Variants in C17orf107 observed in about 807,000 individuals in gnomAD.
C17orf107 encodes chromosome 17 open reading frame 107, also known as uncharacterized protein C17orf107.
Under a neutral mutation model 8.9 loss-of-function variants are expected in C17orf107, and 9 were observed. The ratio of observed to expected loss-of-function variants is 1.02; its 90% confidence interval spans 0.61 to 1.77. C17orf107 has a LOEUF of 1.77. Ranked by LOEUF, C17orf107 falls within the 40% of genes most tolerant of loss-of-function variation. The pLI is 0.00. For missense variants in C17orf107, 281 were observed against 249.0 expected, an observed-to-expected ratio of 1.13 and a Z score of -0.86; for synonymous variants, 139 against 120.3, an observed-to-expected ratio of 1.16 and a Z score of -1.02.
chr17:4,904,362 C>T (rs918761017), downstream of C17orf107, among the ~76,000 whole-genome samples: 1 of 152,068 alleles, frequency 6.6e-6, no homozygotes, highest in Non-Finnish European at 1.5e-5. Context: ...CACGCCCGGC[C>T]TCAGTGTTTT....
Position 4,900,273 on chromosome 17 carries a change from C to A in C17orf107, c.313C>A (p.Leu105Ile), listed in dbSNP as rs1272221846. The change falls in exon 3 of 3, where the codon CTA (leucine) becomes ATA (isoleucine). Residue 105 changes from leucine to isoleucine, a missense_variant. Transcript: ENST00000381365. ...GTGGCTGCAGCAGGAGGCGCGGCGA[C>A]TAGACGGCAGCGCGGGCCCAGCCCC... ...ALWLQQEARR[L>I]DGSAGPAPDG... 1 of 1,545,820 alleles carries A rather than the reference C, an allele frequency of 6.5e-7. No individual in the cohort carries two copies. Among genetic ancestry groups the A allele is most frequent in the Non-Finnish European group, 8.7e-7 (1 of 1,146,670 alleles).
In C17orf107 at chr17:4,901,451, G is replaced by A; in HGVS notation, c.*918G>A. 9 of 1,413,158 alleles carry A rather than the reference G, an allele frequency of 6.4e-6. No homozygotes were observed. The highest frequency in any genetic ancestry group is 1.8e-4 in the Middle Eastern group (1 of 5,654). 87.5% of individuals were successfully genotyped at this position (1,413,158 alleles called of 1,614,324 possible). A position where few individuals can be genotyped will look rare whatever the true frequency, so the allele number is the denominator to read the frequency against. On this transcript the variant is annotated 3_prime_UTR_variant, in exon 3 of 3. Transcript: ENST00000381365. ...CATCCTCCAGTGTCGTTGGTCCGGG[G>A]CAAGCCCACCGTGGAAGTCCCCTCT...
rs1309241271 is a variant in C17orf107, at chr17:4,899,598, G to A, written c.-165G>A. The A allele has an allele frequency of 5.2e-6, 8 of 1,543,958 alleles. No individual in the cohort carries two copies. Among genetic ancestry groups the A allele is most frequent in the Non-Finnish European group, 7.0e-6 (8 of 1,135,844 alleles). On this transcript the variant is annotated 5_prime_UTR_variant, in exon 1 of 3. Coordinates refer to ENST00000381365, the MANE Select transcript of C17orf107 (RefSeq NM_001145536.2). ...AATAAGGAACCTGAGGAGCCCGGAA[G>A]GCATGACATCACCGTTCCTCCTCCC...
In C17orf107 at chr17:4,900,266, G is replaced by C. The variant is rs1003850421; in HGVS notation, c.306G>C (p.Ala102=). ...CAGCCCTGTGGCTGCAGCAGGAGGC[G>C]CGGCGACTAGACGGCAGCGCGGGCC... is the stretch of plus-strand genomic sequence containing the variant. ...EISALWLQQE[A]RRLDGSAGPA... The change falls in exon 3 of 3, where the codon GCG becomes GCC. Residue 102 remains alanine, a synonymous_variant. Transcript: ENST00000381365. The C allele has an allele frequency of 6.5e-7, 1 of 1,546,186 alleles. No homozygotes were observed. The highest frequency in any genetic ancestry group is 1.2e-5 in the South Asian group (1 of 83,944).
chr17:4,902,512 G>A lies in C17orf107; in HGVS notation c.*1979G>A. The A allele has an allele frequency of 6.2e-7, 1 of 1,614,150 alleles. No homozygotes were observed. The highest frequency in any genetic ancestry group is 1.1e-5 in the South Asian group (1 of 91,086). On this transcript the variant is annotated 3_prime_UTR_variant, in exon 3 of 3. Coordinates refer to ENST00000381365, the MANE Select transcript of C17orf107 (RefSeq NM_001145536.2). The surrounding 1 kb of genome is among the most constrained non-coding windows in gnomAD (Gnocchi z 4.0). ...TTTTCATTCTGCAGATGGGAGATGG[G>A]GATGATTGAAGTGAGATTTCAGGGC... is the stretch of plus-strand genomic sequence containing the variant.
rs879729488 is a variant in C17orf107, at chr17:4,902,908, G to A, written c.*2375G>A. On this transcript the variant is annotated 3_prime_UTR_variant, in exon 3 of 3. Transcript: ENST00000381365. This position sits in a 1 kb window ranked among gnomAD's most constrained non-coding sequence, Gnocchi z 4.0. ...CCTAAACCAATTATGCTGTGCCTGG[G>A]AACGAAATACTGTGTCTAAGTCTCC... The A allele has an allele frequency of 7.0e-5, 110 of 1,582,034 alleles. No individual in the cohort carries two copies. Among genetic ancestry groups the A allele is most frequent in the Non-Finnish European group, 9.1e-5 (105 of 1,151,764 alleles).
rs1023633918 is a variant in C17orf107 at position 4,900,045 on chromosome 17, C to A, written c.176C>A (p.Pro59Gln). 2 of 1,543,952 alleles carry A rather than the reference C, an allele frequency of 1.3e-6. No individual in the cohort carries two copies. Among genetic ancestry groups the A allele is most frequent in the African/African-American group, 2.7e-5 (2 of 73,016 alleles). ...CTGAAGTCCCTGGAGCCACCCGAAC[C>A]GAAGATGCAGGGGATGCTGCCTGCC... ...RELKSLEPPE[P>Q]KMQGMLPAPK... Residue 59 changes from proline (P) to glutamine (Q), a missense_variant, in exon 2 of 3, where the codon CCG becomes CAG. Coordinates refer to ENST00000381365, the MANE Select transcript of C17orf107 (RefSeq NM_001145536.2).
Position 4,899,728 on chromosome 17 carries a change from C to T in C17orf107, c.-35C>T, listed in dbSNP as rs1307087229. 1 of 1,541,306 alleles carries T rather than the reference C, an allele frequency of 6.5e-7. No homozygotes were observed. The highest frequency in any genetic ancestry group is 8.8e-7 in the Non-Finnish European group (1 of 1,137,928). Reference sequence around the variant, plus strand: ...CCCTACACGACGACAGACGCGTCCCCCAGCCCTTCTCCTGTCCTACCACTT... The same window carrying T: ...CCCTACACGACGACAGACGCGTCCCTCAGCCCTTCTCCTGTCCTACCACTT... On this transcript the variant is annotated 5_prime_UTR_variant, in exon 1 of 3. Coordinates refer to ENST00000381365, the MANE Select transcript of C17orf107 (RefSeq NM_001145536.2).
chr17:4,901,361 C>G lies in C17orf107; in HGVS notation c.*828C>G, dbSNP rs529241782. The G allele has an allele frequency of 1.1e-6, 1 of 942,168 alleles. No individual in the cohort carries two copies. The highest frequency in any genetic ancestry group is 1.7e-6 in the Non-Finnish European group (1 of 598,842). The allele number at this position is 942,168 out of a possible 1,614,324, so 58.4% of individuals were successfully genotyped here. A position where few individuals can be genotyped will look rare whatever the true frequency, so the allele number is the denominator to read the frequency against. On this transcript the variant is annotated 3_prime_UTR_variant, in exon 3 of 3. Coordinates refer to ENST00000381365, the MANE Select transcript of C17orf107 (RefSeq NM_001145536.2). ...GTTGAGGGTATGGAAAGCCAGAAGG[C>G]AGGACTAGAGTAACAATCGAGAATG... is the stretch of plus-strand genomic sequence containing the variant.
Position 4,902,351 on chromosome 17 carries a change from G to T in C17orf107, c.*1818G>T, listed in dbSNP as rs140756451. ...CCTAAGGGGTGGGGGATGGAAGGCC[G>T]CGTGCCCTGCATCTCCCACCTGGCG... On this transcript the variant is annotated 3_prime_UTR_variant, in exon 3 of 3. Coordinates refer to ENST00000381365, the MANE Select transcript of C17orf107 (RefSeq NM_001145536.2). The surrounding 1 kb of genome is among the most constrained non-coding windows in gnomAD (Gnocchi z 4.0). 1 of 1,612,932 alleles carries T rather than the reference G, an allele frequency of 6.2e-7. No homozygotes were observed.
Position 4,901,843 on chromosome 17 carries a change from G to T in C17orf107, c.*1310G>T, listed in dbSNP as rs1016154873. 6.4e-7 allele frequency: 1 copy of T among 1,571,514 alleles called. No individual in the cohort carries two copies. The highest frequency in any genetic ancestry group is 1.1e-5 in the South Asian group (1 of 89,478). Reference sequence around the variant, plus strand: ...GGCTCCGCCTCCAGCGCGAAGCCCCGCCCCGAGGGCGGTGCTTCCCGGTTG... The same window carrying T: ...GGCTCCGCCTCCAGCGCGAAGCCCCTCCCCGAGGGCGGTGCTTCCCGGTTG... On this transcript the variant is annotated 3_prime_UTR_variant, in exon 3 of 3. Transcript: ENST00000381365.
At position 4,900,981 on chromosome 17, in the gene C17orf107, A is replaced by G. The variant is rs199876621; in HGVS notation, c.*448A>G. The G allele has an allele frequency of 2.5e-6, 4 of 1,613,914 alleles. No individual in the cohort carries two copies. The highest frequency in any genetic ancestry group is 1.3e-5 in the African/African-American group (1 of 75,048). On this transcript the variant is annotated 3_prime_UTR_variant, in exon 3 of 3. Coordinates refer to ENST00000381365, the MANE Select transcript of C17orf107 (RefSeq NM_001145536.2). ...CGGGTTTGGGGGTAGGTTCGGGGCC[A>G]CTGCTTACCCTGCGCCGGCAGGAAG...
rs780781963 is a variant in C17orf107 at position 4,900,411 on chromosome 17, G to A, written c.451G>A (p.Ala151Thr). 3.2e-6 allele frequency: 5 copies of A among 1,550,918 alleles called. No individual in the cohort carries two copies. Among genetic ancestry groups the A allele is most frequent in the East Asian group, 4.9e-5 (2 of 40,914 alleles). ...GASARLLVQG[A>T]WLCLCGRGLQ... ...CAGCGCCCGGCTCCTAGTCCAGGGA[G>A]CATGGCTATGCCTGTGTGGACGGGG... is the stretch of plus-strand genomic sequence containing the variant. The change falls in exon 3 of 3, where the codon GCA becomes ACA. Residue 151 changes from alanine (A) to threonine (T), a missense_variant. Coordinates refer to ENST00000381365, the MANE Select transcript of C17orf107 (RefSeq NM_001145536.2).
Position 4,900,471 on chromosome 17 carries a change from C to G in C17orf107, c.511C>G (p.Gln171Glu). The G allele has an allele frequency of 6.4e-7, 1 of 1,551,146 alleles. No homozygotes were observed. Among genetic ancestry groups the G allele is most frequent in the Admixed American group, 2.0e-5 (1 of 51,016 alleles). ...GTCTGCCTCATTCCTGCGACAGTCG[C>G]AACAGCAGCTAGGCCTCGGAATCCC... ...QGSASFLRQS[Q>E]QQLGLGIPGE... The change falls in exon 3 of 3, where the codon CAA (glutamine) becomes GAA (glutamate). Residue 171 changes from glutamine to glutamate, a missense_variant. Gln to Glu is a conservative substitution (Grantham distance 29). Coordinates refer to ENST00000381365, the MANE Select transcript of C17orf107 (RefSeq NM_001145536.2).
Position 4,901,230 on chromosome 17 carries a change from G to T in C17orf107, c.*697G>T. 5 of 1,586,986 alleles carry T rather than the reference G, an allele frequency of 3.2e-6. No individual in the cohort carries two copies. The highest frequency in any genetic ancestry group is 3.4e-6 in the Non-Finnish European group (4 of 1,171,098). On this transcript the variant is annotated 3_prime_UTR_variant, in exon 3 of 3. Transcript: ENST00000381365. ...CACGGTCAGCTGGCTGTCAGAGCGG[G>T]GCGCCCGCCGAGCTGACAGCGGGCT...
chr17:4,901,252 G>C lies in C17orf107; in HGVS notation c.*719G>C. On this transcript the variant is annotated 3_prime_UTR_variant, in exon 3 of 3. Transcript: ENST00000381365. ...CGGGGCGCCCGCCGAGCTGACAGCG[G>C]GCTGAAGAGGAGGCTGCGGCTGTCT... The C allele has an allele frequency of 6.4e-7, 1 of 1,562,818 alleles. No homozygotes were observed. Among genetic ancestry groups the C allele is most frequent in the Admixed American group, 1.7e-5 (1 of 58,834 alleles).
Position 4,901,074 on chromosome 17 carries a change from G to A in C17orf107, c.*541G>A. On this transcript the variant is annotated 3_prime_UTR_variant, in exon 3 of 3. Coordinates refer to ENST00000381365, the MANE Select transcript of C17orf107 (RefSeq NM_001145536.2). Reference sequence around the variant, plus strand: ...ATGATGTTAATGACGTAGAAGAGCGGCTTCCGGCGGATGATGAGCGAGTAG... The same window carrying A: ...ATGATGTTAATGACGTAGAAGAGCGACTTCCGGCGGATGATGAGCGAGTAG... The A allele has an allele frequency of 6.2e-7, 1 of 1,613,900 alleles. No individual in the cohort carries two copies. The highest frequency in any genetic ancestry group is 8.5e-7 in the Non-Finnish European group (1 of 1,179,944).
At position 4,902,336 on chromosome 17, in the gene C17orf107, G is replaced by A. The variant is rs778566436; in HGVS notation, c.*1803G>A. ...GGTAATCCTGCCAATCCTAAGGGGTGGGGGATGGAAGGCCGCGTGCCCTGC... is the reference window on the plus strand; with the variant it reads ...GGTAATCCTGCCAATCCTAAGGGGTAGGGGATGGAAGGCCGCGTGCCCTGC... On this transcript the variant is annotated 3_prime_UTR_variant, in exon 3 of 3. Transcript: ENST00000381365. The surrounding 1 kb of genome is among the most constrained non-coding windows in gnomAD (Gnocchi z 4.0). 3.1e-6 allele frequency: 5 copies of A among 1,613,946 alleles called. No homozygotes were observed. The highest frequency in any genetic ancestry group is 3.3e-5 in the Admixed American group (2 of 60,010).
Position 4,902,311 on chromosome 17 carries a change from G to A in C17orf107, c.*1778G>A, listed in dbSNP as rs121909513. ...AAGTCGTCCTTGCTGTAGTTGAGTCGGTAATCCTGCCAATCCTAAGGGGTG... is the reference window on the plus strand; with the variant it reads ...AAGTCGTCCTTGCTGTAGTTGAGTCAGTAATCCTGCCAATCCTAAGGGGTG... On this transcript the variant is annotated 3_prime_UTR_variant, in exon 3 of 3. Coordinates refer to ENST00000381365, the MANE Select transcript of C17orf107 (RefSeq NM_001145536.2). The surrounding 1 kb of genome is among the most constrained non-coding windows in gnomAD (Gnocchi z 4.0). 4.3e-6 allele frequency: 7 copies of A among 1,614,040 alleles called. No individual in the cohort carries two copies. The highest frequency in any genetic ancestry group is 5.9e-6 in the Non-Finnish European group (7 of 1,180,040).
Sources: allele counts gnomAD v4.1 joint callset (sites outside exome capture counted in the v4.1 genomes callset), GRCh38; gene constraint gnomAD v4.1.1; non-coding constraint Gnocchi (gnomAD v3.1); transcripts MANE v1.5; gene names NCBI Gene and HGNC (gene_info 2026-07-23, HGNC 2026-07-21).